JAKMIP2: variants seen among roughly 807,000 people sequenced by gnomAD.
The protein encoded by JAKMIP2 is janus kinase and microtubule interacting protein 2, also known as janus kinase and microtubule-interacting protein 2.
In JAKMIP2, 25 loss-of-function variants were observed where a neutral mutation model predicts 115.0. The observed-to-expected ratio is 0.22, with a 90% CI of 0.16 to 0.30. JAKMIP2 has a LOEUF of 0.30. JAKMIP2 is among the 10% of genes least tolerant of loss of function. JAKMIP2 has a pLI of 1.00. For synonymous variants in JAKMIP2, 334 were observed against 343.6 expected, an observed-to-expected ratio of 0.97 and a Z score of 0.31; for missense variants, 642 against 957.6, an observed-to-expected ratio of 0.67 and a Z score of 4.35.
At chr5:147,771,590 A>C (rs1194822877) in intron 1 of JAKMIP2, among the ~76,000 whole-genome samples, 3 of 152,080 alleles carry the variant, frequency 2.0e-5, no homozygotes, top group African/African-American at 7.2e-5. Context: ...TTGAGAAGAA[A>C]GGGAGGATTA....
At chr5:147,640,856 T>G in intron 8 of JAKMIP2, 33 bp from the exon 9 acceptor site, 1 of 1,599,276 alleles carries the variant, frequency 6.3e-7, no homozygotes, top group Non-Finnish European at 8.5e-7. Flanking sequence ...TTTACTGACA[T>G]AGCTAACAGT....
chr5:147,640,681 G>A (rs1757840317), intron 9 of JAKMIP2, 23 bp downstream of exon 9: 1 of 1,612,268 alleles, frequency 6.2e-7, no homozygotes. Context: ...ATCACCCTAG[G>A]CTAGAGAAGT....
At chr5:147,686,122 C>T (rs1030415756) in intron 1 of JAKMIP2, among the ~76,000 whole-genome samples, 2 of 152,174 alleles carry the variant, frequency 1.3e-5, no homozygotes, top group Non-Finnish European at 2.9e-5. Flanking sequence ...ATGCTTTGGG[C>T]TCTAAAGTGC....
In JAKMIP2 at chr5:147,660,458, G is replaced by C. The variant is rs1013558940; in HGVS notation, c.627+490C>G. ...CATTTTGTATCTTTTTTCAGTCATG[G>C]TTTCTGGAAGAAAAGACTCAAGATG... On this transcript the variant is annotated intron_variant, in intron 3 of 21. Coordinates refer to ENST00000616793, the MANE Select transcript of JAKMIP2 (RefSeq NM_001270941.2). 3 of 454,276 alleles carry C rather than the reference G, an allele frequency of 6.6e-6. No individual in the cohort carries two copies. In the Admixed American group the frequency reaches 7.1e-5, roughly 11 times the overall value. 28.1% of individuals were successfully genotyped at this position (454,276 alleles called of 1,614,324 possible). A position where few individuals can be genotyped will look rare whatever the true frequency, so the allele number is the denominator to read the frequency against.
At chr5:147,729,097 G>A (rs1175468237) in intron 1 of JAKMIP2, among the ~76,000 whole-genome samples, 1 of 152,154 alleles carries the variant, frequency 6.6e-6, no homozygotes, top group Admixed American at 6.5e-5. Flanking sequence ...GAGAAGGGAA[G>A]GAAGAGGAGA....
intron 14 of JAKMIP2, among the ~76,000 whole-genome samples, chr5:147,630,351 T>C (rs1757300286): frequency 1.3e-5 from 2 of 152,174 alleles, no homozygotes; most frequent in Admixed American, 6.6e-5. Context: ...TGGATTAGGT[T>C]GTTTGTGATT....
intron 21 of JAKMIP2, among the ~76,000 whole-genome samples, chr5:147,597,323 G>A (rs908007863): frequency 1.3e-5 from 2 of 151,918 alleles, no homozygotes; most frequent in African/African-American, 2.4e-5. Context: ...TTTTCCATTA[G>A]AACAATAACA....
intron 1 of JAKMIP2, among the ~76,000 whole-genome samples, chr5:147,693,723 A>C (rs1420007182): frequency 6.6e-6 from 1 of 152,174 alleles, no homozygotes; most frequent in Non-Finnish European, 1.5e-5. Flanking sequence ...ATTTTATAGT[A>C]GATTTTTAAG....
intron 1 of JAKMIP2, among the ~76,000 whole-genome samples, chr5:147,760,733 G>A (rs12188726): frequency 0.04 from 6,067 of 152,140 alleles, 144 homozygotes; most frequent in Middle Eastern, 0.092. Flanking sequence ...GATTGAAAGG[G>A]ATGTTAAGCT....
In JAKMIP2 at chr5:147,597,805, A is replaced by C. The variant is rs925995915; in HGVS notation, c.*20+3936T>G. ...AGCGTGTGTTAGAAACTTAATCCCT[A>C]GTGCAACAGTGTTGGGAGTTGGAAC... On this transcript the variant is annotated intron_variant, in intron 21 of 21. Coordinates refer to ENST00000616793, the MANE Select transcript of JAKMIP2 (RefSeq NM_001270941.2). Among the ~76,000 whole-genome samples, 7 of 152,136 alleles carry C rather than the reference A, an allele frequency of 4.6e-5. No individual in the cohort carries two copies. The South Asian group carries it at 6.2e-4, about 14-fold the overall frequency.
At chr5:147,703,297 T>C (rs1752443753) in intron 1 of JAKMIP2, among the ~76,000 whole-genome samples, 1 of 152,140 alleles carries the variant, frequency 6.6e-6, no homozygotes, top group African/African-American at 2.4e-5. Flanking sequence ...CATGCAACTG[T>C]ACTTCATACT....
At chr5:147,776,789 AC>A (rs1172610988) in intron 1 of JAKMIP2, among the ~76,000 whole-genome samples, 1 of 152,058 alleles carries the variant, frequency 6.6e-6, no homozygotes, top group African/African-American at 2.4e-5. Flanking sequence ...TTTGCCAGGC[AC>A]GGTGGTGAGC....
chr5:147,621,823 C>T (rs1216699210), intron 17 of JAKMIP2, among the ~76,000 whole-genome samples: 2 of 152,074 alleles, frequency 1.3e-5, no homozygotes, highest in Admixed American at 6.5e-5. Flanking sequence ...GAATCCACGA[C>T]GTTTTCTAGT....
At chr5:147,689,469 A>G (rs190895343) in intron 1 of JAKMIP2, among the ~76,000 whole-genome samples, 4 of 152,222 alleles carry the variant, frequency 2.6e-5, no homozygotes, top group Admixed American at 1.3e-4. Flanking sequence ...TCCAGCTTGG[A>G]GATGGTAGCG....
chr5:147,634,211 C>G (rs1332873364), intron 12 of JAKMIP2, among the ~76,000 whole-genome samples: 1 of 152,154 alleles, frequency 6.6e-6, no homozygotes, highest in Non-Finnish European at 1.5e-5. Flanking sequence ...GTTCTGCCAT[C>G]CCTTTATTTT....
At chr5:147,592,919 G>A (rs1227346633) in intron 21 of JAKMIP2, among the ~76,000 whole-genome samples, 1 of 152,200 alleles carries the variant, frequency 6.6e-6, no homozygotes, top group Admixed American at 6.5e-5. Context: ...AGGTTAGACT[G>A]GGATGGAAGA....
intron 1 of JAKMIP2, among the ~76,000 whole-genome samples, chr5:147,755,211 C>T (rs936529338): frequency 2.0e-5 from 3 of 152,160 alleles, no homozygotes; most frequent in Admixed American, 6.6e-5. Context: ...AGACAAAAGA[C>T]AACAGTCTTA....
At chr5:147,631,090 T>C (rs547714357) in intron 14 of JAKMIP2, among the ~76,000 whole-genome samples, 9 of 152,306 alleles carry the variant, frequency 5.9e-5, no homozygotes, top group Admixed American at 1.3e-4. Context: ...ACTTGAAATA[T>C]ATTTCTTGAA....
intron 5 of JAKMIP2, among the ~76,000 whole-genome samples, chr5:147,646,861 A>G (rs1242587377): frequency 1.3e-5 from 2 of 151,530 alleles, no homozygotes; most frequent in Non-Finnish European, 2.9e-5. Context: ...TAGTAACATA[A>G]TTTCTAATAT....
Sources: allele counts gnomAD v4.1 joint callset (sites outside exome capture counted in the v4.1 genomes callset), GRCh38; gene constraint gnomAD v4.1.1; transcripts MANE v1.5; gene names NCBI Gene and HGNC (gene_info 2026-07-23, HGNC 2026-07-21).